Variants in MAMLD1 observed in about 807,000 individuals in gnomAD.
The protein encoded by MAMLD1 is mastermind-like domain-containing protein 1.
A neutral mutation model predicts 45.0 loss-of-function variants in MAMLD1; 14 were observed. That is an observed-to-expected ratio of 0.31 (90% CI 0.21 to 0.49). MAMLD1 has a LOEUF of 0.49. Among genes scored for constraint, MAMLD1 ranks in the 20% least tolerant of loss-of-function variants. The pLI, the probability that MAMLD1 is intolerant of heterozygous loss-of-function variation, is 0.99. For synonymous variants in MAMLD1, 254 were observed against 247.8 expected (o/e 1.02, Z -0.24); for missense variants, 543 against 603.6 (o/e 0.90, Z 1.05).
rs1557403005 is a variant in MAMLD1, at chrX:150,415,370, A to T, written c.-63-30084A>T. ...CATCATTTAAAAGGTAAGCGTCATT[A>T]AAACAATACCTTTCAGATGCATTAA... On this transcript the variant is annotated intron_variant, in intron 1 of 7. Transcript: ENST00000370401. Among the ~76,000 whole-genome samples, 614 of 112,911 alleles carry T rather than the reference A, an allele frequency of 5.4e-3. 2 individuals carry two copies. The highest frequency in any genetic ancestry group is 0.019 in the African/African-American group (591 of 31,114).
chrX:150,378,745 A>G (rs1032113691), intron 1 of MAMLD1, among the ~76,000 whole-genome samples: 11 of 111,319 alleles, frequency 9.9e-5, no homozygotes, highest in Non-Finnish European at 1.9e-4. Flanking sequence ...CTTTCCTATC[A>G]TTATTTATTT....
At chrX:150,479,292 C>T (rs1296018997) in intron 5 of MAMLD1, among the ~76,000 whole-genome samples, 1 of 111,731 alleles carries the variant, frequency 9.0e-6, no homozygotes, top group Non-Finnish European at 1.9e-5. Flanking sequence ...AATGAGCCAT[C>T]AGTTAGTGTG....
intron 5 of MAMLD1, among the ~76,000 whole-genome samples, chrX:150,475,813 C>A (rs1289924963): frequency 1.8e-5 from 2 of 111,881 alleles, no homozygotes; most frequent in Non-Finnish European, 3.8e-5. Flanking sequence ...AGAACGGTGC[C>A]CAGCACACAC....
At chrX:150,413,639 A>T (rs1696575201) in intron 1 of MAMLD1, among the ~76,000 whole-genome samples, 2 of 109,061 alleles carry the variant, frequency 1.8e-5, no homozygotes, top group East Asian at 5.8e-4. Flanking sequence ...TATATGAATC[A>T]CAACCAGAGT....
At chrX:150,391,548 A>G (rs1250648977) in intron 1 of MAMLD1, among the ~76,000 whole-genome samples, 1 of 110,615 alleles carries the variant, frequency 9.0e-6, no homozygotes, top group African/African-American at 3.3e-5. Context: ...TTTAATATCC[A>G]TTTGTTTCTT....
intron 5 of MAMLD1, among the ~76,000 whole-genome samples, chrX:150,495,884 C>T (rs1557408250): frequency 5.3e-5 from 6 of 112,711 alleles, no homozygotes; most frequent in Admixed American, 2.8e-4. Context: ...GATTCAGCTT[C>T]CTTGGTGCTG....
At chrX:150,456,395 G>T (rs1557405340) in intron 2 of MAMLD1, among the ~76,000 whole-genome samples, 1 of 111,437 alleles carries the variant, frequency 9.0e-6, no homozygotes, top group Non-Finnish European at 1.9e-5. Context: ...TAGGATTCTT[G>T]TTAGAATCAA....
chrX:150,386,588 T>A (rs1460886471), intron 1 of MAMLD1, among the ~76,000 whole-genome samples: 5 of 111,630 alleles, frequency 4.5e-5, no homozygotes, highest in Non-Finnish European at 7.5e-5. Context: ...CAGAAAAAAA[T>A]TTTTTTATTG....
chrX:150,439,172 G>C (rs1369281164), intron 1 of MAMLD1, among the ~76,000 whole-genome samples: 1 of 111,839 alleles, frequency 8.9e-6, no homozygotes, highest in African/African-American at 3.3e-5. Flanking sequence ...TAAGTCCTTT[G>C]CCTGTTTTTT....
At chrX:150,383,403 C>T (rs1398278006) in intron 1 of MAMLD1, among the ~76,000 whole-genome samples, 2 of 111,155 alleles carry the variant, frequency 1.8e-5, no homozygotes, top group Non-Finnish European at 3.8e-5. Context: ...CACAGGAAAT[C>T]TCATTGTGCT....
intron 1 of MAMLD1, among the ~76,000 whole-genome samples, chrX:150,416,411 C>A (rs2034250225): frequency 2.7e-5 from 3 of 111,709 alleles, no homozygotes; most frequent in African/African-American, 9.8e-5. Flanking sequence ...TAATTTCAAC[C>A]AGGGTAGCCT....
intron 1 of MAMLD1, among the ~76,000 whole-genome samples, chrX:150,430,434 C>A (rs2034895607): frequency 9.2e-6 from 1 of 109,208 alleles, no homozygotes; most frequent in Non-Finnish European, 1.9e-5. Context: ...TTCACAGGGT[C>A]TTTCACAGGG....
chrX:150,489,690 G>A (rs2037118144), intron 5 of MAMLD1, among the ~76,000 whole-genome samples: 1 of 109,533 alleles, frequency 9.1e-6, no homozygotes, highest in African/African-American at 3.3e-5. Context: ...GGGAAAAAGG[G>A]TTCCCTCGAT....
chrX:150,393,246 G>A (rs943584594), intron 1 of MAMLD1, among the ~76,000 whole-genome samples: 21 of 111,837 alleles, frequency 1.9e-4, no homozygotes, highest in African/African-American at 5.8e-4. Context: ...ATATACATGT[G>A]AAATTCCTCT....
chrX:150,373,757 C>T (rs1439182461), intron 1 of MAMLD1, among the ~76,000 whole-genome samples: 2 of 111,913 alleles, frequency 1.8e-5, no homozygotes, highest in Non-Finnish European at 3.8e-5. Flanking sequence ...ATCCTCAGCC[C>T]GCTGTACCTT....
chrX:150,417,021 T>C (rs2034267224), intron 1 of MAMLD1, among the ~76,000 whole-genome samples: 1 of 111,536 alleles, frequency 9.0e-6, no homozygotes, highest in Non-Finnish European at 1.9e-5. Flanking sequence ...TTCTTTTTTT[T>C]TATTATACTT....
At chrX:150,397,665 G>A (rs1201728565) in intron 1 of MAMLD1, among the ~76,000 whole-genome samples, 1 of 111,145 alleles carries the variant, frequency 9.0e-6, no homozygotes, top group Non-Finnish European at 1.9e-5. Context: ...GTGTGCAAAG[G>A]TCAACTTGTG....
At chrX:150,503,920 C>T (rs1026263664) in intron 6 of MAMLD1, 13 of 257,767 alleles carry the variant, frequency 5.0e-5, no homozygotes, top group Non-Finnish European at 7.0e-5. Flanking sequence ...TGCTTCTGCA[C>T]CTCCGAAGCC....
rs187574791 is a variant in MAMLD1, at chrX:150,504,186, C to T, written c.2284+669C>T. The T allele has an allele frequency of 5.5e-4, 412 of 752,547 alleles. No individual in the cohort carries two copies. The African/African-American group carries it at 9.1e-3, about 17-fold the overall frequency. The allele number at this position is 752,547 out of a possible 1,213,427, so 62.0% of individuals were successfully genotyped here. A position where few individuals can be genotyped will look rare whatever the true frequency, so the allele number is the denominator to read the frequency against. On this transcript the variant is annotated intron_variant, in intron 6 of 7. Coordinates refer to ENST00000370401, the MANE Select transcript of MAMLD1 (RefSeq NM_005491.5). The stretch of plus-strand genomic sequence containing the variant: ...CTAGAAGGAATGGCTTGACTTGCCC[C>T]CAGAGTCGCATCAGTGGTCATGAGA...
Sources: gnomAD v4.1 joint callset for allele counts (sites outside exome capture counted in the v4.1 genomes callset) on GRCh38, gnomAD v4.1.1 for gene constraint, MANE v1.5 for transcripts, NCBI Gene and HGNC (gene_info 2026-07-23, HGNC 2026-07-21) for gene names.